SAMSN1: variants seen among roughly 807,000 people sequenced by gnomAD.
SAMSN1 encodes the protein SAM domain, SH3 domain and nuclear localization signals 1.
A neutral mutation model predicts 42.0 loss-of-function variants in SAMSN1; 31 were observed. That is an observed-to-expected ratio of 0.74 (90% CI 0.55 to 1.00). The LOEUF (loss-of-function observed/expected upper bound fraction) is 1.00, where lower values mean the gene tolerates loss of function less well. Ranked by LOEUF, SAMSN1 falls within the 50% of genes least tolerant of loss-of-function variation. The pLI, the probability that SAMSN1 is intolerant of heterozygous loss-of-function variation, is 0.00. For synonymous variants in SAMSN1, 178 were observed against 151.9 expected, an observed-to-expected ratio of 1.17 and a Z score of -1.26; for missense variants, 464 against 439.4, an observed-to-expected ratio of 1.06 and a Z score of -0.50.
At chr21:14,496,787 G>A (rs749625138) in intron 7 of SAMSN1, among the ~76,000 whole-genome samples, 2 of 152,120 alleles carry the variant, frequency 1.3e-5, no homozygotes. Flanking sequence ...AATAACCTAG[G>A]CCTGATGATG....
At chr21:14,512,355 A>G (rs1987722251) in intron 4 of SAMSN1, 89 bp downstream of exon 4, 1 of 1,367,852 alleles carries the variant, frequency 7.3e-7, no homozygotes, top group South Asian at 1.2e-5. Flanking sequence ...AAGTAGCTGG[A>G]ACCTTGTGGC....
chr21:14,502,584 G>GGCA (rs1987214443), intron 5 of SAMSN1, among the ~76,000 whole-genome samples: 1 of 152,108 alleles, frequency 6.6e-6, no homozygotes, highest in Non-Finnish European at 1.5e-5. Context: ...ACTCACCTCA[G>GGCA]GCAGCAGCAG....
In SAMSN1 at chr21:14,493,725, C is replaced by G. The variant is rs375448088; in HGVS notation, c.919+4717G>C. On this transcript the variant is annotated intron_variant, in intron 7 of 7. Coordinates refer to ENST00000400566, the MANE Select transcript of SAMSN1 (RefSeq NM_022136.5). Reference sequence around the variant, plus strand: ...TAAATGTGCACAAAATAAACAGATCCTGCTCTCTTGTCCCTTCAAGAGCTG... The same window carrying G: ...TAAATGTGCACAAAATAAACAGATCGTGCTCTCTTGTCCCTTCAAGAGCTG... Among the ~76,000 whole-genome samples, 5 of 152,188 alleles carry G rather than the reference C, an allele frequency of 3.3e-5. No homozygotes were observed. In the South Asian group the frequency reaches 6.2e-4, roughly 19 times the overall value.
chr21:14,654,293 G>A (rs60421626), intron 1 of SAMSN1, among the ~76,000 whole-genome samples: 3 of 151,884 alleles, frequency 2.0e-5, no homozygotes, highest in Non-Finnish European at 2.9e-5. Context: ...TGCTGTTTCC[G>A]CTTTTAAGTA....
chr21:14,531,066 C>T (rs1463100428), intron 1 of SAMSN1, among the ~76,000 whole-genome samples: 1 of 151,814 alleles, frequency 6.6e-6, no homozygotes, highest in South Asian at 2.1e-4. Flanking sequence ...ACAAATAATT[C>T]TACAAATAAA....
chr21:14,633,826 G>A (rs1448372238), intron 2 of SAMSN1, among the ~76,000 whole-genome samples: 1 of 152,118 alleles, frequency 6.6e-6, no homozygotes, highest in African/African-American at 2.4e-5. Flanking sequence ...AGCCATGAGG[G>A]GATTAACTCC....
chr21:14,485,714 TAATA>T lies in SAMSN1; in HGVS notation c.*194_*197del. On this transcript the variant is annotated 3_prime_UTR_variant, in exon 8 of 8. Coordinates refer to ENST00000400566, the MANE Select transcript of SAMSN1 (RefSeq NM_022136.5). Reference sequence around the variant, plus strand: ...AAATATTAACACATAGCATTTAAAATAATAAATATATATTTTATTGACAGTAATT... The same window carrying T: ...AAATATTAACACATAGCATTTAAAATAATATATATTTTATTGACAGTAATT... The T allele has an allele frequency of 2.2e-6, 1 of 461,532 alleles. No homozygotes were observed. The highest frequency in any genetic ancestry group is 3.8e-6 in the Non-Finnish European group (1 of 262,328). 28.6% of individuals were successfully genotyped at this position (461,532 alleles called of 1,614,324 possible).
In SAMSN1 at chr21:14,577,048, CTTTTTT is replaced by C. The variant is rs991163598; in HGVS notation, c.261+5082_261+5087del. Among the ~76,000 whole-genome samples, 349 of 54,878 alleles carry C rather than the reference CTTTTTT, an allele frequency of 6.4e-3. 1 individual carries two copies. Among genetic ancestry groups the C allele is most frequent in the African/African-American group, 0.025 (335 of 13,636 alleles). The allele number at this position is 54,878 out of a possible 152,430, so 36.0% of individuals were successfully genotyped here. A position where few individuals can be genotyped will look rare whatever the true frequency, so the allele number is the denominator to read the frequency against. ...GTTTATGTCTAGATTGCATCCGTTTCTTTTTTTTTTTTTTTTTTTTTTTTTGAGACG... is the reference window on the plus strand; with the variant it reads ...GTTTATGTCTAGATTGCATCCGTTTCTTTTTTTTTTTTTTTTTTTGAGACG... On this transcript the variant is annotated intron_variant, in intron 2 of 8. Transcript: ENST00000285670.
At chr21:14,549,201 T>C (rs576733061), upstream of SAMSN1, among the ~76,000 whole-genome samples, 24 of 152,264 alleles carry the variant, frequency 1.6e-4, no homozygotes, top group African/African-American at 5.8e-4. Context: ...ATTCAAAGCA[T>C]AGATAGAAGG....
At chr21:14,511,724 T>A (rs1357386135) in intron 4 of SAMSN1, among the ~76,000 whole-genome samples, 1 of 152,236 alleles carries the variant, frequency 6.6e-6, no homozygotes, top group Non-Finnish European at 1.5e-5. Flanking sequence ...GCAATATCAA[T>A]CGTTTCATCC....
chr21:14,517,921 T>C lies in SAMSN1; in HGVS notation c.130-880A>G, dbSNP rs537906979. ...AAGTCTCCCTCGCTCACTAGATCAG[T>C]GGTTCTCAAAATATGATCCCTGGAC... On this transcript the variant is annotated intron_variant, in intron 2 of 7. Transcript: ENST00000400566. Among the ~76,000 whole-genome samples the C allele has an allele frequency of 2.6e-5, 4 of 152,304 alleles. No individual in the cohort carries two copies. In the East Asian group the frequency reaches 5.8e-4, roughly 22 times the overall value.
At chr21:14,546,833 C>T (rs551645502), upstream of SAMSN1, among the ~76,000 whole-genome samples, 72 of 152,166 alleles carry the variant, frequency 4.7e-4, 1 homozygote, top group East Asian at 0.01. Context: ...CCTCAGCCTC[C>T]CAAGTAGCTG....
intron 5 of SAMSN1, among the ~76,000 whole-genome samples, chr21:14,505,890 A>G (rs1490993151): frequency 2.6e-5 from 4 of 152,242 alleles, no homozygotes; most frequent in Non-Finnish European, 5.9e-5. Flanking sequence ...TTGAAATTAT[A>G]TCAAGCACTC....
intron 2 of SAMSN1, among the ~76,000 whole-genome samples, chr21:14,551,788 T>A (rs983628091): frequency 6.6e-5 from 10 of 152,108 alleles, no homozygotes; most frequent in African/African-American, 2.4e-4. Flanking sequence ...CTTCATGAGC[T>A]GGTACTAATA....
chr21:14,500,423 T>C, intron 6 of SAMSN1, 106 bp downstream of exon 6: 1 of 914,796 alleles, frequency 1.1e-6, no homozygotes, highest in Non-Finnish European at 1.7e-6. Context: ...TTTCCTTTGC[T>C]TGCAAGACTT....
At chr21:14,507,731 T>G (rs1387063948) in intron 5 of SAMSN1, among the ~76,000 whole-genome samples, 1 of 152,000 alleles carries the variant, frequency 6.6e-6, no homozygotes, top group African/African-American at 2.4e-5. Flanking sequence ...AAAAAGAGCT[T>G]GCATAGCCAA....
intron 2 of SAMSN1, among the ~76,000 whole-genome samples, chr21:14,563,015 G>C (rs1980995376): frequency 6.6e-6 from 1 of 152,088 alleles, no homozygotes; most frequent in Non-Finnish European, 1.5e-5. Flanking sequence ...TATAAATGCA[G>C]AAAAATTGAG....
In SAMSN1 at chr21:14,566,496, G is replaced by A. The variant is rs1981121445; in HGVS notation, c.261+15640C>T. Reference sequence around the variant, plus strand: ...TTTTACAAAGGTAAAGGCAGGGGGAGGTTGGCCCATAAAAAAATCTAATAA... The same window carrying A: ...TTTTACAAAGGTAAAGGCAGGGGGAAGTTGGCCCATAAAAAAATCTAATAA... On this transcript the variant is annotated intron_variant, in intron 2 of 8. Transcript: ENST00000285670. Among the ~76,000 whole-genome samples the A allele has an allele frequency of 3.9e-5, 6 of 151,984 alleles. No individual in the cohort carries two copies. The South Asian group carries it at 1.2e-3, about 32-fold the overall frequency.
intron 2 of SAMSN1, among the ~76,000 whole-genome samples, chr21:14,567,301 A>G (rs1406525755): frequency 4.1e-5 from 3 of 73,598 alleles, no homozygotes; most frequent in African/African-American, 1.3e-4. Flanking sequence ...GCAAGCTTGA[A>G]AAAAAAAAAA....
Sources: allele counts gnomAD v4.1 joint callset (sites outside exome capture counted in the v4.1 genomes callset), GRCh38; gene constraint gnomAD v4.1.1; transcripts MANE v1.5; gene names NCBI Gene and HGNC (gene_info 2026-07-23, HGNC 2026-07-21).